Variants in GABRR3 observed in about 807,000 individuals in gnomAD.
The protein encoded by GABRR3 is gamma-aminobutyric acid type A receptor subunit rho3, also known as gamma-aminobutyric acid receptor subunit rho-3.
GABRR3 carries 29 observed loss-of-function variants against 43.2 expected under a neutral mutation model. The ratio of observed to expected loss-of-function variants is 0.67; its 90% CI spans 0.50 to 0.92. The LOEUF (loss-of-function observed/expected upper bound fraction) is 0.92. Among genes scored for constraint, GABRR3 ranks in the 40% least tolerant of loss-of-function variants. The pLI is 0.00. For missense variants in GABRR3, 576 were observed against 572.3 expected (o/e 1.01, Z -0.07); for synonymous variants, 206 against 195.9 (o/e 1.05, Z -0.43).
chr3:98,034,813 T>C, intron 2 of GABRR3, 50 bp downstream of exon 2: 3 of 1,605,478 alleles, frequency 1.9e-6, no homozygotes, highest in Non-Finnish European at 2.6e-6. Context: ...GAGACAACTG[T>C]TGAGAGAAAC....
intron 8 of GABRR3, chr3:97,999,296 G>C (rs564447878): frequency 6.6e-6 from 1 of 152,220 alleles, no homozygotes; most frequent in Non-Finnish European, 1.5e-5. Flanking sequence ...ATTTAAAAGT[G>C]AGGATATTTA....
At chr3:98,029,550 TCA>T (rs1474329062) in intron 2 of GABRR3, among the ~76,000 whole-genome samples, 1 of 152,038 alleles carries the variant, frequency 6.6e-6, no homozygotes, top group South Asian at 2.1e-4. Context: ...CTGACTTGAG[TCA>T]CACACACTCG....
intron 3 of GABRR3, among the ~76,000 whole-genome samples, chr3:98,020,870 C>CTTTTTTTTTTT (rs59070712): frequency 1.7e-5 from 2 of 117,442 alleles, no homozygotes; most frequent in Non-Finnish European, 3.5e-5. Flanking sequence ...TTTTCTTTTT[C>CTTTTTTTTTTT]TTTTTTTTTT....
chr3:98,017,834 T>C, intron 3 of GABRR3, 112 bp from the exon 4 acceptor site: 2 of 688,560 alleles, frequency 2.9e-6, no homozygotes, highest in South Asian at 4.0e-5. Context: ...CTGTTAAAGT[T>C]TTTTTAAACA....
chr3:98,022,209 T>C (rs1706957313), intron 3 of GABRR3, among the ~76,000 whole-genome samples: 1 of 152,210 alleles, frequency 6.6e-6, no homozygotes, highest in Non-Finnish European at 1.5e-5. Flanking sequence ...CCCTTAGTTA[T>C]GGGAGACGTA....
exon 10 of GABRR3, chr3:97,986,917 G>T: frequency 1.9e-6 from 3 of 1,611,490 alleles, no homozygotes; most frequent in Non-Finnish European, 2.5e-6. Flanking sequence ...TGTCAATCTC[G>T]CTGTCATGGT....
intron 8 of GABRR3, among the ~76,000 whole-genome samples, chr3:97,995,491 AG>A (rs1706524241): frequency 6.6e-6 from 1 of 152,236 alleles, no homozygotes; most frequent in Non-Finnish European, 1.5e-5. Context: ...TTTGCCAGAA[AG>A]CAATAAACTA....
downstream of GABRR3, among the ~76,000 whole-genome samples, chr3:97,985,979 G>C (rs1706381267): frequency 6.6e-6 from 1 of 151,980 alleles, no homozygotes. Context: ...TGATTCTCCT[G>C]CCTCAGCCTC....
exon 7 of GABRR3, chr3:98,007,813 G>A: frequency 6.2e-7 from 1 of 1,613,314 alleles, no homozygotes; most frequent in Non-Finnish European, 8.5e-7. Flanking sequence ...AGTCTTCAAT[G>A]AAGAACTGAG....
chr3:98,020,342 TG>T (rs1439281977), intron 3 of GABRR3, among the ~76,000 whole-genome samples: 2 of 151,520 alleles, frequency 1.3e-5, no homozygotes, highest in Non-Finnish European at 2.9e-5. Context: ...AGTCAATAAA[TG>T]GCATATAATA....
intron 8 of GABRR3, among the ~76,000 whole-genome samples, chr3:97,993,272 G>A (rs1706495537): frequency 6.6e-6 from 1 of 152,070 alleles, no homozygotes; most frequent in African/African-American, 2.4e-5. Context: ...TATCCAGAAG[G>A]TTTCCTTTCC....
chr3:98,004,035 A>C (rs1030001250), intron 7 of GABRR3, among the ~76,000 whole-genome samples: 3 of 152,192 alleles, frequency 2.0e-5, no homozygotes, highest in African/African-American at 7.2e-5. Flanking sequence ...AGTTAATAAC[A>C]GAGAGAAAAA....
At chr3:98,009,080 C>A (rs1281469173) in intron 5 of GABRR3, 42 bp from the exon 6 acceptor site, 1 of 1,297,140 alleles carries the variant, frequency 7.7e-7, no homozygotes, top group Non-Finnish European at 1.1e-6. Context: ...GATCATTTAA[C>A]CATCTGGCCA....
intron 8 of GABRR3, among the ~76,000 whole-genome samples, chr3:97,995,746 T>G (rs1410408063): frequency 6.6e-6 from 1 of 152,164 alleles, no homozygotes; most frequent in Non-Finnish European, 1.5e-5. Context: ...ACTTATTATA[T>G]CTTGCGCCAC....
At chr3:98,019,573 C>T (rs1228378270) in intron 3 of GABRR3, among the ~76,000 whole-genome samples, 1 of 152,114 alleles carries the variant, frequency 6.6e-6, no homozygotes, top group Non-Finnish European at 1.5e-5. Context: ...TTACTATATA[C>T]CCTATAACAC....
intron 2 of GABRR3, among the ~76,000 whole-genome samples, chr3:98,028,901 A>G (rs1707053942): frequency 6.6e-6 from 1 of 152,186 alleles, no homozygotes; most frequent in South Asian, 2.1e-4. Context: ...AGGAGACAGA[A>G]GGAAATTTGC....
At chr3:98,022,216 C>A (rs146896621) in intron 3 of GABRR3, among the ~76,000 whole-genome samples, 1 of 152,050 alleles carries the variant, frequency 6.6e-6, no homozygotes. Context: ...TTATGGGAGA[C>A]GTAAAAGGTG....
intron 5 of GABRR3, among the ~76,000 whole-genome samples, chr3:98,009,606 G>GT (rs1034206925): frequency 1.3e-5 from 2 of 152,174 alleles, no homozygotes; most frequent in African/African-American, 2.4e-5. Flanking sequence ...GATGAGAACG[G>GT]TTTTTTCAAA....
At chr3:98,032,995 A>C (rs1707109408) in intron 2 of GABRR3, among the ~76,000 whole-genome samples, 2 of 152,136 alleles carry the variant, frequency 1.3e-5, no homozygotes, top group African/African-American at 4.8e-5. Flanking sequence ...TTACTCTAAA[A>C]ATGACTCTAT....
Sources: allele counts gnomAD v4.1 joint callset (sites outside exome capture counted in the v4.1 genomes callset), GRCh38; gene constraint gnomAD v4.1.1; transcripts MANE v1.5; gene names NCBI Gene and HGNC (gene_info 2026-07-23, HGNC 2026-07-21).